ADAP1: variants seen among roughly 807,000 people sequenced by gnomAD.
The protein encoded by ADAP1 is ArfGAP with dual PH domains 1.
In ADAP1, 31 loss-of-function variants were observed where a neutral mutation model predicts 54.9. The observed-to-expected ratio is 0.56, with a 90% CI of 0.42 to 0.76. ADAP1 has a LOEUF of 0.76. Among genes scored for constraint, ADAP1 ranks in the 30% least tolerant of loss-of-function variants. The pLI is 0.00. For synonymous variants in ADAP1, 313 were observed against 202.6 expected (o/e 1.55, Z -4.63); for missense variants, 535 against 512.4 (o/e 1.04, Z -0.42).
At chr7:939,904 G>A (rs939253984) in intron 1 of ADAP1, among the ~76,000 whole-genome samples, 6 of 151,752 alleles carry the variant, frequency 4.0e-5, no homozygotes, top group Non-Finnish European at 7.4e-5. Flanking sequence ...GTGAGCCCAA[G>A]AAGGGCTTGT....
intron 1 of ADAP1, among the ~76,000 whole-genome samples, chr7:942,368 GGAGGAGGAGGAAGGGAGA>G (rs1354627566): frequency 9.9e-6 from 1 of 101,130 alleles, no homozygotes; most frequent in Non-Finnish European, 2.0e-5. Context: ...GGAAGAGAGA[GGAGGAGGAGGAAGGGAGA>G]GAGGAGGAGG....
chr7:940,056 T>C (rs1364850883), intron 1 of ADAP1, among the ~76,000 whole-genome samples: 1 of 152,170 alleles, frequency 6.6e-6, no homozygotes, highest in Non-Finnish European at 1.5e-5. Flanking sequence ...TTAGAGGTTG[T>C]CTGATGCAAA....
chr7:914,913 G>A (rs1285695962), intron 4 of ADAP1, among the ~76,000 whole-genome samples: 2 of 151,946 alleles, frequency 1.3e-5, no homozygotes, highest in Non-Finnish European at 2.9e-5. Context: ...AAGGAGGGGT[G>A]AGCCCTGCCC....
chr7:945,675 C>CTCCTGCCAGGCA lies in ADAP1; in HGVS notation c.82+8720_82+8721insTGCCTGGCAGGA. 1.1e-6 allele frequency: 1 copy of CTCCTGCCAGGCA among 941,192 alleles called. No homozygotes were observed. The highest frequency in any genetic ancestry group is 4.9e-5 in the South Asian group (1 of 20,428). The allele number at this position is 941,192 out of a possible 1,614,324, so 58.3% of individuals were successfully genotyped here. A position where few individuals can be genotyped will look rare whatever the true frequency, so the allele number is the denominator to read the frequency against. Reference sequence around the variant, plus strand: ...CCCACAAACATCCAGGCTGCCAGCACCGTCTCCAGGAGCTGCCTCCTCCTC... The same window carrying CTCCTGCCAGGCA: ...CCCACAAACATCCAGGCTGCCAGCACTCCTGCCAGGCACGTCTCCAGGAGCTGCCTCCTCCTC... On this transcript the variant is annotated intron_variant, in intron 1 of 10. Transcript: ENST00000265846. This position sits in a 1 kb window ranked among gnomAD's most constrained non-coding sequence, Gnocchi z 4.2.
intron 9 of ADAP1, 45 bp from the exon 10 acceptor site, chr7:899,306 GC>G: frequency 6.2e-7 from 1 of 1,608,632 alleles, no homozygotes; most frequent in Non-Finnish European, 8.5e-7. Flanking sequence ...GTCCCTTCCA[GC>G]CCCGCTTCAC....
intron 6 of ADAP1, among the ~76,000 whole-genome samples, chr7:902,640 G>A (rs1263051908): frequency 6.6e-6 from 1 of 151,512 alleles, no homozygotes; most frequent in African/African-American, 2.4e-5. Flanking sequence ...ACCAATAACA[G>A]GAGTTTCAGA....
intron 3 of ADAP1, among the ~76,000 whole-genome samples, chr7:925,211 A>G (rs1846340811): frequency 6.6e-6 from 1 of 151,926 alleles, no homozygotes; most frequent in South Asian, 2.1e-4. Flanking sequence ...CGTGGCCTGA[A>G]CACACCTCCA....
intron 4 of ADAP1, among the ~76,000 whole-genome samples, chr7:915,358 C>T (rs564522600): frequency 6.6e-6 from 1 of 152,346 alleles, no homozygotes; most frequent in South Asian, 2.1e-4. Context: ...GGGGAGAGAA[C>T]AGAGGGCACA....
chr7:918,265 G>A (rs1846015716), intron 4 of ADAP1, among the ~76,000 whole-genome samples: 1 of 152,204 alleles, frequency 6.6e-6, no homozygotes, highest in Non-Finnish European at 1.5e-5. Context: ...CACCCGGCCT[G>A]GAGTGCAGTG....
At position 938,089 on chromosome 7, in the gene ADAP1, G is replaced by C. The variant is rs1846834168; in HGVS notation, c.83-2584C>G. ...GTCTCGGGTACCAGGAGTTTTGCCT[G>C]TGCTGAGTAGGGCGGCTTTTGGGAG... On this transcript the variant is annotated intron_variant, in intron 1 of 10. Transcript: ENST00000265846. The surrounding 1 kb of genome is among the most constrained non-coding windows in gnomAD (Gnocchi z 4.4). 6.6e-6 allele frequency among the ~76,000 whole-genome samples: 1 copy of C among 152,228 alleles called. No homozygotes were observed. The highest frequency in any genetic ancestry group is 2.4e-5 in the African/African-American group (1 of 41,456).
intron 6 of ADAP1, chr7:900,988 G>A (rs556966149): frequency 1.2e-5 from 6 of 503,388 alleles, no homozygotes; most frequent in East Asian, 6.0e-5. Context: ...CCTTTCAGAT[G>A]GTGCTATTTT....
chr7:936,191 C>T (rs181993755), intron 1 of ADAP1, among the ~76,000 whole-genome samples: 17 of 151,710 alleles, frequency 1.1e-4, no homozygotes, highest in South Asian at 2.1e-4. Flanking sequence ...GTAATCCCAG[C>T]GCTTTGGGAG....
At chr7:941,824 CTAGA>C (rs1846946474) in intron 1 of ADAP1, among the ~76,000 whole-genome samples, 1 of 152,008 alleles carries the variant, frequency 6.6e-6, no homozygotes. Flanking sequence ...TGCAAAGGAC[CTAGA>C]ATAGCTAAAA....
At chr7:940,330 TCA>T (rs56715852) in intron 1 of ADAP1, among the ~76,000 whole-genome samples, 12,872 of 140,438 alleles carry the variant, frequency 0.092, 668 homozygotes, top group East Asian at 0.23. Context: ...ACAGACCCTG[TCA>T]CACACACACA....
At position 898,777 on chromosome 7, in the gene ADAP1, G is replaced by A. The variant is rs1265634223; in HGVS notation, c.*144C>T. On this transcript the variant is annotated 3_prime_UTR_variant, in exon 11 of 11. Coordinates refer to ENST00000265846, the MANE Select transcript of ADAP1 (RefSeq NM_006869.4). ...CCAGAGAAGCATCCTGGAAGCTGAA[G>A]CTCGGGCCCTACCTGGCCGCGCCGG... 1 of 1,097,202 alleles carries A rather than the reference G, an allele frequency of 9.1e-7. No individual in the cohort carries two copies. The highest frequency in any genetic ancestry group is 1.6e-5 in the African/African-American group (1 of 64,056). The allele number at this position is 1,097,202 out of a possible 1,614,324, so 68.0% of individuals were successfully genotyped here.
At chr7:951,242 G>A (rs574340603) in intron 1 of ADAP1, among the ~76,000 whole-genome samples, 63 of 151,726 alleles carry the variant, frequency 4.2e-4, no homozygotes, top group African/African-American at 8.0e-4. Context: ...GCGTGGTGGC[G>A]GGTGCCTGTA....
At chr7:901,283 TG>T in intron 6 of ADAP1, 1 of 343,904 alleles carries the variant, frequency 2.9e-6, no homozygotes, top group South Asian at 2.3e-5. Context: ...GCGCCCCTCC[TG>T]GGGTCTGCCC....
intron 1 of ADAP1, among the ~76,000 whole-genome samples, chr7:942,296 A>AGAG (rs1416513497): frequency 6.8e-6 from 1 of 146,264 alleles, no homozygotes; most frequent in South Asian, 2.2e-4. Context: ...GGAGGAAGAG[A>AGAG]GAGGAGGAGG....
intron 1 of ADAP1, among the ~76,000 whole-genome samples, chr7:939,460 C>T (rs1480456905): frequency 1.3e-5 from 2 of 151,912 alleles, no homozygotes; most frequent in Admixed American, 6.5e-5. Context: ...TTAGGTGATC[C>T]GCCTGCCTCG....
Sources: gnomAD v4.1 joint callset for allele counts (sites outside exome capture counted in the v4.1 genomes callset) on GRCh38, gnomAD v4.1.1 for gene constraint, Gnocchi (gnomAD v3.1) non-coding constraint, MANE v1.5 for transcripts, NCBI Gene and HGNC (gene_info 2026-07-23, HGNC 2026-07-21) for gene names.